TJP1: variants seen among roughly 807,000 people sequenced by gnomAD.
TJP1 encodes the protein tight junction protein ZO-1.
TJP1 carries 43 observed loss-of-function variants against 194.2 expected under a neutral mutation model. That is an observed-to-expected ratio of 0.22 (90% CI 0.17 to 0.29). TJP1 has a LOEUF of 0.29. Among genes scored for constraint, TJP1 ranks in the 10% least tolerant of loss-of-function variants. The pLI, the probability that TJP1 is intolerant of heterozygous loss-of-function variation, is 1.00. For synonymous variants in TJP1, 801 were observed against 779.0 expected, an observed-to-expected ratio of 1.03 and a Z score of -0.47; for missense variants, 1,971 against 2,185.7, an observed-to-expected ratio of 0.90 and a Z score of 1.96.
upstream of TJP1, among the ~76,000 whole-genome samples, chr15:29,826,733 C>T (rs1596054265): frequency 6.6e-6 from 1 of 152,302 alleles, no homozygotes; most frequent in Non-Finnish European, 1.5e-5. Flanking sequence ...CCATCTTAAA[C>T]ACAGTCAGGG....
At chr15:29,881,963 ATATTTT>A (rs1226126233) in intron 2 of TJP1, among the ~76,000 whole-genome samples, 46 of 151,618 alleles carry the variant, frequency 3.0e-4, no homozygotes, top group African/African-American at 1.1e-3. Context: ...ATAGATATAT[ATATTTT>A]TAGTTATTGA....
chr15:29,947,442 G>A (rs1393940143), intron 2 of TJP1, among the ~76,000 whole-genome samples: 1 of 152,182 alleles, frequency 6.6e-6, no homozygotes, highest in Non-Finnish European at 1.5e-5. Context: ...TTATGAGTTG[G>A]CTTCTACTGT....
intron 2 of TJP1, among the ~76,000 whole-genome samples, chr15:29,778,509 T>G (rs1294704766): frequency 6.6e-6 from 1 of 152,074 alleles, no homozygotes; most frequent in African/African-American, 2.4e-5. Context: ...TTCAACAGAT[T>G]TCTCACCTCC....
At chr15:29,789,776 C>T (rs999871124) in intron 2 of TJP1, among the ~76,000 whole-genome samples, 2 of 152,044 alleles carry the variant, frequency 1.3e-5, no homozygotes, top group Non-Finnish European at 2.9e-5. Context: ...CAGGTTATTG[C>T]CAAAAGAATA....
chr15:29,852,732 C>G (rs1210683716), intron 2 of TJP1, among the ~76,000 whole-genome samples: 1 of 151,884 alleles, frequency 6.6e-6, no homozygotes, highest in African/African-American at 2.4e-5. Flanking sequence ...ATGGAGAAAC[C>G]CCGTCTCTAC....
At chr15:29,967,985 C>A in intron 1 of TJP1, 1 of 903,012 alleles carries the variant, frequency 1.1e-6, no homozygotes, top group South Asian at 5.1e-5. Context: ...CCTGGGATTC[C>A]GCATGGATTA....
At chr15:29,952,910 A>G (rs531246403) in intron 2 of TJP1, among the ~76,000 whole-genome samples, 1 of 152,290 alleles carries the variant, frequency 6.6e-6, no homozygotes, top group South Asian at 2.1e-4. Flanking sequence ...AAGGAAATAA[A>G]GATTTCTATT....
chr15:29,943,619 A>G (rs1465642353), intron 2 of TJP1, among the ~76,000 whole-genome samples: 4 of 106,488 alleles, frequency 3.8e-5, no homozygotes, highest in African/African-American at 7.6e-5. Context: ...CAACAGTGAG[A>G]CTCCATCTCA....
intron 15 of TJP1, chr15:29,730,689 C>T (rs1425505156): frequency 4.0e-6 from 3 of 752,712 alleles, no homozygotes; most frequent in Admixed American, 3.5e-5. Flanking sequence ...CGTCCAGCAC[C>T]TACGTCCTGT....
chr15:29,722,270 G>A (rs2042975567), intron 18 of TJP1, among the ~76,000 whole-genome samples: 1 of 152,126 alleles, frequency 6.6e-6, no homozygotes, highest in African/African-American at 2.4e-5. Flanking sequence ...GCCTAGGAGG[G>A]AAAAAATGGT....
rs774890211 is a variant in TJP1 at position 29,708,812 on chromosome 15, T to C, written c.4597A>G (p.Thr1533Ala). 3 of 1,614,094 alleles carry C rather than the reference T, an allele frequency of 1.9e-6. No homozygotes were observed. In the Admixed American group the frequency reaches 5.0e-5, roughly 27 times the overall value. ...CGTTCAAATGGTCGGGCAGAACTTGTATATGGTTTTGGTGTGAATCGATTG... is the reference window on the plus strand; with the variant it reads ...CGTTCAAATGGTCGGGCAGAACTTGCATATGGTTTTGGTGTGAATCGATTG... ...AYNRFTPKPY[T>A]SSARPFERKF... is the part of the protein sequence containing the mutation. Residue 1533 changes from threonine to alanine, a missense_variant, in exon 25 of 28, where the codon ACA becomes GCA. By Grantham distance (58) the Thr-to-Ala change is moderately conservative. This residue lies in a region of TJP1 where 1,108 missense variants were observed against 1,128.5 expected (regional missense o/e 0.98). Coordinates refer to ENST00000614355, the MANE Select transcript of TJP1 (RefSeq NM_001330239.4).
At chr15:29,932,349 T>C (rs1204699972) in intron 2 of TJP1, among the ~76,000 whole-genome samples, 2 of 152,284 alleles carry the variant, frequency 1.3e-5, no homozygotes, top group Non-Finnish European at 2.9e-5. Context: ...AAACCTGGCA[T>C]TTGACAGACA....
At chr15:29,734,989 GA>G (rs535727811) in intron 11 of TJP1, among the ~76,000 whole-genome samples, 1 of 151,642 alleles carries the variant, frequency 6.6e-6, no homozygotes, top group Admixed American at 6.6e-5. Context: ...AAGTTGCTGA[GA>G]AAAAAAATCA....
chr15:29,867,339 A>G (rs977987683), intron 2 of TJP1, among the ~76,000 whole-genome samples: 2 of 152,246 alleles, frequency 1.3e-5, no homozygotes, highest in African/African-American at 4.8e-5. Context: ...GGTCATAACC[A>G]TCACAAAAGG....
At chr15:29,750,509 G>GT (rs1462147227) in intron 8 of TJP1, among the ~76,000 whole-genome samples, 3 of 152,116 alleles carry the variant, frequency 2.0e-5, no homozygotes, top group Non-Finnish European at 4.4e-5. Context: ...CTCCTGTTAT[G>GT]TTTAATTTCT....
At chr15:29,811,294 C>T (rs1229822580) in intron 1 of TJP1, among the ~76,000 whole-genome samples, 3 of 151,318 alleles carry the variant, frequency 2.0e-5, no homozygotes, top group South Asian at 2.1e-4. Context: ...TGTAGCGGGG[C>T]GGGGGAGAGC....
intron 25 of TJP1, among the ~76,000 whole-genome samples, chr15:29,707,411 C>T (rs1402836116): frequency 6.6e-6 from 1 of 152,162 alleles, no homozygotes; most frequent in Non-Finnish European, 1.5e-5. Context: ...GGGAGCAGAG[C>T]GCAGCCTGAG....
At chr15:29,869,400 C>T (rs2052415369) in intron 2 of TJP1, among the ~76,000 whole-genome samples, 1 of 152,196 alleles carries the variant, frequency 6.6e-6, no homozygotes, top group Non-Finnish European at 1.5e-5. Flanking sequence ...TACTGAGATA[C>T]TATTGAAGGG....
intron 2 of TJP1, among the ~76,000 whole-genome samples, chr15:29,862,067 A>G (rs953222044): frequency 6.6e-6 from 1 of 152,200 alleles, no homozygotes; most frequent in African/African-American, 2.4e-5. Context: ...AGGTAGATAT[A>G]CACTTGTCCC....
Sources: allele counts gnomAD v4.1 joint callset (sites outside exome capture counted in the v4.1 genomes callset), GRCh38; gene constraint gnomAD v4.1.1; regional missense constraint gnomAD v4.1.1; transcripts MANE v1.5; gene names NCBI Gene and HGNC (gene_info 2026-07-23, HGNC 2026-07-21).